The following NBPF11 variants were observed in gnomAD, a reference collection of about 807,000 sequenced individuals.
The protein encoded by NBPF11 is NBPF member 11.
Under a neutral mutation model 93.9 loss-of-function variants are expected in NBPF11, and 72 were observed. The ratio of observed to expected loss-of-function variants is 0.77; its 90% CI spans 0.63 to 0.93. The LOEUF (loss-of-function observed/expected upper bound fraction) is 0.93. NBPF11 is among the 40% of genes least tolerant of loss of function. The probability of loss-of-function intolerance (pLI) is 0.00; values close to 1 mark genes in which losing one functional copy is unlikely to be tolerated. For synonymous variants in NBPF11, 224 were observed against 304.9 expected (o/e 0.73, Z 2.76); for missense variants, 705 against 802.2 (o/e 0.88, Z 1.46).
At chr1:148,116,621 C>A in intron 12 of NBPF11, 86 bp from the exon 13 acceptor site, 3 of 610,040 alleles carry the variant, frequency 4.9e-6, no homozygotes, top group Non-Finnish European at 8.8e-6. Flanking sequence ...GGGACATGAA[C>A]ATCTAGGCAT....
chr1:148,121,252 C>T (rs1296793202), intron 9 of NBPF11, among the ~76,000 whole-genome samples: 1 of 151,664 alleles, frequency 6.6e-6, no homozygotes, highest in Non-Finnish European at 1.5e-5. Flanking sequence ...CCATCTTGGA[C>T]AGGCTGGTTT....
chr1:148,112,104 C>CTTTT (rs1171126687), intron 15 of NBPF11, among the ~76,000 whole-genome samples: 2 of 131,226 alleles, frequency 1.5e-5, no homozygotes, highest in South Asian at 4.6e-4. Flanking sequence ...ATTCAACATT[C>CTTTT]TTTTTTTTCC....
intron 7 of NBPF11, 66 bp from the exon 8 acceptor site, chr1:148,122,867 C>A (rs2404386): frequency 7.5e-6 from 12 of 1,606,470 alleles, no homozygotes; most frequent in Non-Finnish European, 7.7e-6. Context: ...GTCAGCCCAA[C>A]GTGCACAGAG....
chr1:148,140,592 AG>A (rs1672014934), intron 2 of NBPF11, among the ~76,000 whole-genome samples: 2 of 151,692 alleles, frequency 1.3e-5, no homozygotes, highest in Non-Finnish European at 2.9e-5. Flanking sequence ...AAAAAAAAAA[AG>A]GTGAAAGATC....
chr1:148,125,569 A>T (rs1357898620), intron 5 of NBPF11, among the ~76,000 whole-genome samples: 13 of 152,096 alleles, frequency 8.5e-5, no homozygotes, highest in African/African-American at 2.7e-4. Context: ...CAAATACTTT[A>T]TTAGTATGAG....
intron 4 of NBPF11, among the ~76,000 whole-genome samples, chr1:148,130,550 G>A (rs1670159686): frequency 6.6e-6 from 1 of 151,768 alleles, no homozygotes; most frequent in Non-Finnish European, 1.5e-5. Flanking sequence ...AGCATGTAAT[G>A]ATTCTGGCTA....
At position 148,146,746 on chromosome 1, in the gene NBPF11, C is replaced by T. The variant is rs1673177079; in HGVS notation, c.-548-3060G>A. On this transcript the variant is annotated intron_variant, in intron 1 of 23. Coordinates refer to ENST00000682118, the MANE Select transcript of NBPF11 (RefSeq NM_001385469.3). ...TGCCAGGTACACGGTCCTCTTCTCG[C>T]ACGGCAATGCCGTGGACCTGGGCCA... is the stretch of plus-strand genomic sequence containing the variant. 9 of 1,612,766 alleles carry T rather than the reference C, an allele frequency of 5.6e-6. No individual in the cohort carries two copies. The East Asian group carries it at 1.6e-4, about 28-fold the overall frequency.
chr1:148,106,082 G>A, intron 21 of NBPF11, 99 bp downstream of exon 21: 2 of 567,954 alleles, frequency 3.5e-6, no homozygotes, highest in East Asian at 3.0e-5. Context: ...AGGCTTGGTT[G>A]AAAAGATGTA....
rs1440300008 is a variant in NBPF11 at position 148,146,416 on chromosome 1, G to C, written c.-548-2730C>G. The C allele has an allele frequency of 1.8e-5, 29 of 1,602,776 alleles. No individual in the cohort carries two copies. The Admixed American group carries it at 2.0e-4, about 11-fold the overall frequency. ...CGCCATGAACGGGCTGTCGCTGAGT[G>C]AGCTCTGCTGCCTCTTCTGCTGCCC... On this transcript the variant is annotated intron_variant, in intron 1 of 23. Transcript: ENST00000682118.
chr1:148,147,001 T>C (rs1344292942), intron 1 of NBPF11: 4 of 1,397,546 alleles, frequency 2.9e-6, no homozygotes, highest in Non-Finnish European at 3.9e-6. Flanking sequence ...CGGGCTTCCC[T>C]GGGAGGAAGG....
chr1:148,141,922 A>G (rs1672228599), intron 2 of NBPF11, among the ~76,000 whole-genome samples: 1 of 151,224 alleles, frequency 6.6e-6, no homozygotes, highest in South Asian at 2.1e-4. Context: ...TTAAAATAGT[A>G]GAACAAAAAG....
intron 4 of NBPF11, among the ~76,000 whole-genome samples, chr1:148,132,239 TTGTG>T (rs201393438): frequency 2.0e-4 from 28 of 138,326 alleles, no homozygotes; most frequent in Admixed American, 4.3e-4. Context: ...ACACACATGT[TTGTG>T]TGTGTGTGTG....
Position 148,151,856 on chromosome 1 carries a change from C to G in NBPF11, c.-655G>C, listed in dbSNP as rs1248891237. ...TCCTGGCGCCGCAGGTCGCCCGTCC[C>G]GCGTTCCCAAAATCACCAGGCTCAC... On this transcript the variant is annotated 5_prime_UTR_variant, in exon 1 of 24. Transcript: ENST00000682118. 2.6e-5 allele frequency: 4 copies of G among 152,360 alleles called. No individual in the cohort carries two copies. Among genetic ancestry groups the G allele is most frequent in the African/African-American group, 7.3e-5 (3 of 41,322 alleles). The allele number at this position is 152,360 out of a possible 1,614,324, so 9.4% of individuals were successfully genotyped here.
intron 7 of NBPF11, 43 bp from the exon 8 acceptor site, chr1:148,122,844 T>C (rs1276117991): frequency 6.2e-6 from 10 of 1,609,004 alleles, no homozygotes; most frequent in East Asian, 2.2e-5. Flanking sequence ...CCACTTCACA[T>C]TCTGCAAGCA....
At chr1:148,134,172 TGAG>T (rs1314774189) in intron 4 of NBPF11, among the ~76,000 whole-genome samples, 56 of 151,534 alleles carry the variant, frequency 3.7e-4, no homozygotes, top group Admixed American at 1.2e-3. Context: ...AATGCCTTGG[TGAG>T]GAGAATGCCT....
chr1:148,147,923 C>T (rs1480823674), intron 1 of NBPF11, among the ~76,000 whole-genome samples: 8 of 152,136 alleles, frequency 5.3e-5, no homozygotes, highest in Admixed American at 2.6e-4. Context: ...TGTCCTGCTG[C>T]CCCTTTGTCC....
chr1:148,132,142 GTGTA>G (rs1670456435), intron 4 of NBPF11, among the ~76,000 whole-genome samples: 1 of 142,182 alleles, frequency 7.0e-6, no homozygotes, highest in African/African-American at 2.7e-5. Flanking sequence ...ATGTGTGTGT[GTGTA>G]TATATATATA....
rs2149238541 is a variant in NBPF11 at position 148,122,818 on chromosome 1, T to C, written c.494-17A>G. 28 of 1,609,664 alleles carry C rather than the reference T, an allele frequency of 1.7e-5. No homozygotes were observed. Among genetic ancestry groups the C allele is most frequent in the Non-Finnish European group, 2.4e-5 (28 of 1,177,854 alleles). On this transcript the variant is annotated splice_polypyrimidine_tract_variant and intron_variant, in intron 7 of 23. Transcript: ENST00000682118. The stretch of plus-strand genomic sequence containing the variant: ...CGTCATTTTCTATAAATACAAAATG[T>C]TCGTTCAGATATTTCCCACTTCACA...
intron 1 of NBPF11, among the ~76,000 whole-genome samples, chr1:148,148,148 G>A (rs1647232221): frequency 6.6e-6 from 1 of 152,208 alleles, no homozygotes; most frequent in Non-Finnish European, 1.5e-5. Flanking sequence ...GGGGCCACAG[G>A]CACCAGCCAG....
Sources: gnomAD v4.1 joint callset for allele counts (sites outside exome capture counted in the v4.1 genomes callset) on GRCh38, gnomAD v4.1.1 for gene constraint, MANE v1.5 for transcripts, NCBI Gene and HGNC (gene_info 2026-07-23, HGNC 2026-07-21) for gene names.